Variants in OTUD7A observed in about 807,000 individuals in gnomAD.
OTUD7A encodes OTU deubiquitinase 7A.
Under a neutral mutation model 65.7 loss-of-function variants are expected in OTUD7A, and 12 were observed. The observed-to-expected ratio is 0.18, with a 90% confidence interval of 0.12 to 0.30. The LOEUF (loss-of-function observed/expected upper bound fraction) is 0.30. OTUD7A is among the 10% of genes least tolerant of loss of function. The probability of loss-of-function intolerance (pLI) is 1.00; values close to 1 mark genes in which losing one functional copy is unlikely to be tolerated. For synonymous variants in OTUD7A, 641 were observed against 586.3 expected, an observed-to-expected ratio of 1.09 and a Z score of -1.35; for missense variants, 1,148 against 1,304.8, an observed-to-expected ratio of 0.88 and a Z score of 1.85.
intron 3 of OTUD7A, among the ~76,000 whole-genome samples, chr15:31,595,790 C>T (rs1052942124): frequency 3.9e-5 from 6 of 152,214 alleles, no homozygotes; most frequent in African/African-American, 1.4e-4. Flanking sequence ...TGTGCCAGGA[C>T]CCTGTTCCAG....
chr15:31,748,724 A>G (rs1186504299), intron 1 of OTUD7A, among the ~76,000 whole-genome samples: 1 of 152,166 alleles, frequency 6.6e-6, no homozygotes, highest in Non-Finnish European at 1.5e-5. Flanking sequence ...ATTCCTAGGT[A>G]TTACTCAATG....
intron 8 of OTUD7A, among the ~76,000 whole-genome samples, chr15:31,507,787 G>C (rs1466936537): frequency 1.3e-5 from 2 of 152,146 alleles, no homozygotes; most frequent in African/African-American, 2.4e-5. Context: ...TGATTGGTGT[G>C]TTTTACAGTC....
At chr15:31,724,671 C>T (rs530112867) in intron 1 of OTUD7A, among the ~76,000 whole-genome samples, 165 of 152,244 alleles carry the variant, frequency 1.1e-3, no homozygotes, top group African/African-American at 3.8e-3. Context: ...CACCTGAGAT[C>T]GCATCTTTCA....
chr15:31,720,664 T>C (rs1346884090), intron 1 of OTUD7A, among the ~76,000 whole-genome samples: 1 of 152,214 alleles, frequency 6.6e-6, no homozygotes, highest in African/African-American at 2.4e-5. Context: ...CCTCCCAAAA[T>C]GCTGGGATTA....
chr15:31,837,792 T>C (rs1162077342), intron 1 of OTUD7A, among the ~76,000 whole-genome samples: 3 of 152,170 alleles, frequency 2.0e-5, no homozygotes, highest in Admixed American at 6.5e-5. Flanking sequence ...AAAATATTTA[T>C]GGAAAGGCAA....
At chr15:31,868,407 T>C (rs1057044851) in intron 1 of OTUD7A, among the ~76,000 whole-genome samples, 1 of 152,196 alleles carries the variant, frequency 6.6e-6, no homozygotes, top group Non-Finnish European at 1.5e-5. Flanking sequence ...CGGGGCCAGA[T>C]TGATTTCACA....
At chr15:31,689,802 G>C (rs907589286) in intron 1 of OTUD7A, among the ~76,000 whole-genome samples, 4 of 152,178 alleles carry the variant, frequency 2.6e-5, no homozygotes, top group African/African-American at 9.7e-5. Flanking sequence ...CCTAGAAGCT[G>C]ATGTGCCAGG....
chr15:31,869,276 G>A (rs1178219121), intron 1 of OTUD7A, among the ~76,000 whole-genome samples: 1 of 152,200 alleles, frequency 6.6e-6, no homozygotes, highest in Non-Finnish European at 1.5e-5. Context: ...AAGCTGGTGG[G>A]ACACACGGCT....
chr15:31,840,906 AG>A (rs780514345), intron 1 of OTUD7A, among the ~76,000 whole-genome samples: 6 of 152,212 alleles, frequency 3.9e-5, no homozygotes, highest in Non-Finnish European at 8.8e-5. Flanking sequence ...GCCATGGCAA[AG>A]GAATACCCAA....
intron 1 of OTUD7A, among the ~76,000 whole-genome samples, chr15:31,798,493 G>A (rs182279531): frequency 3.8e-4 from 58 of 152,304 alleles, no homozygotes; most frequent in African/African-American, 1.4e-3. Flanking sequence ...AATGAACAAG[G>A]CAGCTCTGGC....
intron 1 of OTUD7A, among the ~76,000 whole-genome samples, chr15:31,802,432 C>A (rs1468378160): frequency 6.6e-6 from 1 of 152,178 alleles, no homozygotes; most frequent in African/African-American, 2.4e-5. Context: ...GTCTGCCTTT[C>A]CCAGCCCACT....
At chr15:31,495,851 A>G (rs1366495423) in intron 10 of OTUD7A, among the ~76,000 whole-genome samples, 1 of 152,060 alleles carries the variant, frequency 6.6e-6, no homozygotes, top group Non-Finnish European at 1.5e-5. Flanking sequence ...AGATCACTTG[A>G]GCTCAGGAGT....
At chr15:31,586,466 G>A (rs1451518337) in intron 3 of OTUD7A, among the ~76,000 whole-genome samples, 1 of 152,184 alleles carries the variant, frequency 6.6e-6, no homozygotes, top group Admixed American at 6.5e-5. Context: ...AGGGGTGGGA[G>A]TCAGAAGAGC....
intron 8 of OTUD7A, among the ~76,000 whole-genome samples, chr15:31,518,712 G>GCCT (rs2041897235): frequency 6.6e-6 from 1 of 152,228 alleles, no homozygotes. Flanking sequence ...CTCATGGGCA[G>GCCT]CATTTCTGAG....
At position 31,753,677 on chromosome 15, in the gene OTUD7A, AACC is replaced by A. The variant is rs1375046652; in HGVS notation, c.-99-96603_-99-96601del. Among the ~76,000 whole-genome samples, 370 of 118,460 alleles carry A rather than the reference AACC, an allele frequency of 3.1e-3. 12 individuals carry two copies. Among genetic ancestry groups the A allele is most frequent in the African/African-American group, 0.011 (352 of 31,550 alleles). The allele number at this position is 118,460 out of a possible 152,430, so 77.7% of individuals were successfully genotyped here. On this transcript the variant is annotated intron_variant, in intron 1 of 12. Coordinates refer to ENST00000307050, the MANE Select transcript of OTUD7A (RefSeq NM_001382637.1). Reference sequence around the variant, plus strand: ...AGTATTCCATCATATATATATATATAACCTGTGAGATATATATATATATATTAT... The same window carrying A: ...AGTATTCCATCATATATATATATATATGTGAGATATATATATATATATTAT...
At chr15:31,684,974 C>T (rs955609081) in intron 1 of OTUD7A, among the ~76,000 whole-genome samples, 3 of 150,686 alleles carry the variant, frequency 2.0e-5, no homozygotes, top group Admixed American at 6.6e-5. Context: ...CACCTTCACC[C>T]GGTGCTACGT....
At chr15:31,629,732 T>C (rs982536125) in intron 3 of OTUD7A, among the ~76,000 whole-genome samples, 48 of 152,314 alleles carry the variant, frequency 3.2e-4, no homozygotes, top group African/African-American at 1.1e-3. Context: ...CTGGACGTTT[T>C]TGGTTGGTAA....
At chr15:31,808,134 C>CAAAAAA (rs1398118771) in intron 1 of OTUD7A, among the ~76,000 whole-genome samples, 36 of 95,806 alleles carry the variant, frequency 3.8e-4, no homozygotes, top group African/African-American at 1.3e-3. Flanking sequence ...CACACACACA[C>CAAAAAA]ACAAACAAAT....
At chr15:31,720,610 C>G (rs1893710892) in intron 1 of OTUD7A, among the ~76,000 whole-genome samples, 2 of 152,102 alleles carry the variant, frequency 1.3e-5, no homozygotes, top group Non-Finnish European at 2.9e-5. Context: ...CTGTGTTAGC[C>G]AGGATGCTCT....
Sources: gnomAD v4.1 joint callset for allele counts (sites outside exome capture counted in the v4.1 genomes callset) on GRCh38, gnomAD v4.1.1 for gene constraint, MANE v1.5 for transcripts, NCBI Gene and HGNC (gene_info 2026-07-23, HGNC 2026-07-21) for gene names.